The following CNTNAP2 variants were observed in gnomAD, a reference collection of about 807,000 sequenced individuals.
CNTNAP2 encodes contactin-associated protein-like 2.
In CNTNAP2, 98 loss-of-function variants were observed where a neutral mutation model predicts 155.2. That is an observed-to-expected ratio of 0.63 (90% CI 0.54 to 0.75). The LOEUF is 0.75. Ranked by LOEUF, CNTNAP2 falls within the 30% of genes least tolerant of loss-of-function variation. The pLI, the probability that CNTNAP2 is intolerant of heterozygous loss-of-function variation, is 0.00. For synonymous variants in CNTNAP2, 651 were observed against 631.2 expected, an observed-to-expected ratio of 1.03 and a Z score of -0.47; for missense variants, 1,727 against 1,688.1, an observed-to-expected ratio of 1.02 and a Z score of -0.40.
intron 15 of CNTNAP2, among the ~76,000 whole-genome samples, chr7:148,032,068 C>T (rs1430120783): frequency 6.6e-6 from 1 of 152,088 alleles, no homozygotes; most frequent in Non-Finnish European, 1.5e-5. Context: ...CTAGATGTTT[C>T]CCCAGTGGTC....
In CNTNAP2 at chr7:148,247,621, C is replaced by T. The variant is rs372933688; in HGVS notation, c.3381+17842C>T. Among the ~76,000 whole-genome samples the T allele has an allele frequency of 7.2e-3, 959 of 132,716 alleles. 11 individuals are homozygous for T. Among genetic ancestry groups the T allele is most frequent in the South Asian group, 0.048 (197 of 4,098 alleles). 87.1% of individuals were successfully genotyped at this position (132,716 alleles called of 152,430 possible). On this transcript the variant is annotated intron_variant, in intron 20 of 23. Transcript: ENST00000361727. ...TCTCTCTCTCTCTCTCTCTCTCTCT[C>T]TCTCTATTTATTTATTTATTTATTT...
At chr7:147,934,934 T>G (rs775387641) in intron 14 of CNTNAP2, among the ~76,000 whole-genome samples, 5 of 152,236 alleles carry the variant, frequency 3.3e-5, no homozygotes, top group Non-Finnish European at 7.3e-5. Flanking sequence ...CTTAGTTCCC[T>G]CTTGTGCTAC....
chr7:147,785,645 T>C (rs527494773), intron 13 of CNTNAP2, among the ~76,000 whole-genome samples: 2 of 152,214 alleles, frequency 1.3e-5, no homozygotes, highest in South Asian at 4.1e-4. Context: ...ATAGTAAAGA[T>C]ATACAGATGA....
At chr7:146,346,033 A>G (rs1271183330) in intron 1 of CNTNAP2, among the ~76,000 whole-genome samples, 1 of 152,208 alleles carries the variant, frequency 6.6e-6, no homozygotes, top group Non-Finnish European at 1.5e-5. Flanking sequence ...CACTGTTCTC[A>G]CAGGAAGGTT....
chr7:148,310,180 G>A (rs1440303548), intron 21 of CNTNAP2, among the ~76,000 whole-genome samples: 1 of 152,184 alleles, frequency 6.6e-6, no homozygotes, highest in Non-Finnish European at 1.5e-5. Flanking sequence ...TCTAACTAGA[G>A]AGTGTCCAAG....
intron 1 of CNTNAP2, among the ~76,000 whole-genome samples, chr7:146,711,798 GTATACACATCTTATGTA>G (rs1202209769): frequency 4.2e-5 from 5 of 117,702 alleles, no homozygotes; most frequent in Non-Finnish European, 8.7e-5. Context: ...TACATATATA[GTATACACATCTTATGTA>G]TACAATATAG....
chr7:146,759,711 A>AAGGG (rs1309834469), intron 1 of CNTNAP2, among the ~76,000 whole-genome samples: 2 of 60,732 alleles, frequency 3.3e-5, no homozygotes, highest in Non-Finnish European at 6.4e-5. Context: ...AAAAAAAAAA[A>AAGGG]GGTGGGTGGG....
chr7:148,289,099 G>T (rs1016199716), intron 21 of CNTNAP2, among the ~76,000 whole-genome samples: 5 of 152,092 alleles, frequency 3.3e-5, no homozygotes, highest in African/African-American at 1.2e-4. Context: ...TGCAGGTTTT[G>T]TGCACCAGGC....
intron 15 of CNTNAP2, among the ~76,000 whole-genome samples, chr7:148,072,421 A>C (rs993412488): frequency 6.6e-6 from 1 of 152,220 alleles, no homozygotes; most frequent in African/African-American, 2.4e-5. Context: ...ATGTTTAAAA[A>C]AAAATGGGTA....
intron 6 of CNTNAP2, among the ~76,000 whole-genome samples, chr7:147,124,532 G>T (rs1037642808): frequency 3.3e-5 from 5 of 152,128 alleles, no homozygotes; most frequent in African/African-American, 4.8e-5. Flanking sequence ...GCAAAGAGGT[G>T]CCTAATAGCA....
chr7:147,785,225 G>A (rs989895179), intron 13 of CNTNAP2, among the ~76,000 whole-genome samples: 1 of 152,110 alleles, frequency 6.6e-6, no homozygotes, highest in African/African-American at 2.4e-5. Context: ...GAAACAGGAA[G>A]AGTGGCTAAA....
intron 8 of CNTNAP2, among the ~76,000 whole-genome samples, chr7:147,243,217 C>T (rs557211876): frequency 5.5e-4 from 84 of 151,790 alleles, no homozygotes; most frequent in African/African-American, 1.9e-3. Context: ...AGGCTGGTCT[C>T]GATCTCCTGA....
intron 17 of CNTNAP2, among the ~76,000 whole-genome samples, chr7:148,158,508 A>G (rs561795651): frequency 6.6e-6 from 1 of 152,328 alleles, no homozygotes; most frequent in East Asian, 1.9e-4. Context: ...GGCATGAGCC[A>G]CCAAGCCTGG....
chr7:148,210,205 T>C (rs903490166), intron 18 of CNTNAP2, among the ~76,000 whole-genome samples: 4 of 152,052 alleles, frequency 2.6e-5, no homozygotes, highest in Non-Finnish European at 4.4e-5. Flanking sequence ...AAAAAGCGAG[T>C]TGGTGGCAAA....
intron 9 of CNTNAP2, among the ~76,000 whole-genome samples, chr7:147,339,838 G>A (rs779076702): frequency 2.0e-5 from 3 of 152,076 alleles, no homozygotes; most frequent in Non-Finnish European, 4.4e-5. Flanking sequence ...GAACATCATA[G>A]AGATAATCCA....
intron 3 of CNTNAP2, among the ~76,000 whole-genome samples, chr7:147,024,807 C>G (rs1798873169): frequency 6.6e-6 from 1 of 152,138 alleles, no homozygotes; most frequent in Non-Finnish European, 1.5e-5. Flanking sequence ...CTAGCATCTG[C>G]TCAGTTTCTG....
chr7:146,412,344 G>A (rs1795878901), intron 1 of CNTNAP2, among the ~76,000 whole-genome samples: 1 of 152,154 alleles, frequency 6.6e-6, no homozygotes, highest in African/African-American at 2.4e-5. Flanking sequence ...TCCAATAAAA[G>A]AAAGATTTGG....
At chr7:147,215,272 A>G (rs985937129) in intron 8 of CNTNAP2, among the ~76,000 whole-genome samples, 4 of 152,118 alleles carry the variant, frequency 2.6e-5, no homozygotes, top group African/African-American at 9.7e-5. Flanking sequence ...GTTTTGACAA[A>G]TATATAATGA....
intron 11 of CNTNAP2, among the ~76,000 whole-genome samples, chr7:147,560,761 A>G (rs1426077045): frequency 6.6e-6 from 1 of 150,692 alleles, no homozygotes; most frequent in Non-Finnish European, 1.5e-5. Context: ...GGAGGGAGGC[A>G]TGGAAGAAGA....
Sources: allele counts gnomAD v4.1 joint callset (sites outside exome capture counted in the v4.1 genomes callset), GRCh38; gene constraint gnomAD v4.1.1; transcripts MANE v1.5; gene names NCBI Gene and HGNC (gene_info 2026-07-23, HGNC 2026-07-21).